The following GHR variants were observed in gnomAD, a reference collection of about 807,000 sequenced individuals.
The protein encoded by GHR is GH receptor.
GHR carries 35 observed loss-of-function variants against 67.1 expected under a neutral mutation model. The observed-to-expected ratio is 0.52, with a 90% CI of 0.40 to 0.69. GHR has a LOEUF of 0.69. Among genes scored for constraint, GHR ranks in the 30% least tolerant of loss-of-function variants. GHR has a pLI of 0.00. For synonymous variants in GHR, 272 were observed against 269.1 expected (o/e 1.01, Z -0.10); for missense variants, 792 against 764.6 (o/e 1.04, Z -0.42).
intron 1 of GHR, among the ~76,000 whole-genome samples, chr5:42,484,990 A>C (rs1199082873): frequency 6.6e-6 from 1 of 152,242 alleles, no homozygotes; most frequent in Non-Finnish European, 1.5e-5. Context: ...ACGGCCAGGC[A>C]GGAAGAATCC....
chr5:42,533,087 C>A (rs1311738659), intron 1 of GHR, among the ~76,000 whole-genome samples: 1 of 152,008 alleles, frequency 6.6e-6, no homozygotes, highest in Non-Finnish European at 1.5e-5. Flanking sequence ...CAGGTCATTG[C>A]CAACACTTGA....
At chr5:42,652,394 C>G (rs954765322) in intron 3 of GHR, among the ~76,000 whole-genome samples, 1 of 152,044 alleles carries the variant, frequency 6.6e-6, no homozygotes, top group African/African-American at 2.4e-5. Context: ...TTTTCTTACC[C>G]TATGATTTCA....
chr5:42,542,084 G>T (rs1748540899), intron 1 of GHR, among the ~76,000 whole-genome samples: 1 of 152,156 alleles, frequency 6.6e-6, no homozygotes, highest in African/African-American at 2.4e-5. Flanking sequence ...AGATAATCCA[G>T]GGAATAACTA....
chr5:42,657,367 A>G (rs1755309333), intron 3 of GHR, among the ~76,000 whole-genome samples: 1 of 152,144 alleles, frequency 6.6e-6, no homozygotes, highest in South Asian at 2.1e-4. Flanking sequence ...TCTCTGCCAA[A>G]GTAGTGTTTT....
intron 1 of GHR, among the ~76,000 whole-genome samples, chr5:42,446,239 C>T (rs1002387495): frequency 1.3e-5 from 2 of 152,186 alleles, no homozygotes; most frequent in Admixed American, 6.5e-5. Context: ...AGACTCGCTA[C>T]AGTGGGAGGA....
chr5:42,511,415 T>C (rs1747010244), intron 1 of GHR, among the ~76,000 whole-genome samples: 1 of 152,214 alleles, frequency 6.6e-6, no homozygotes, highest in Admixed American at 6.5e-5. Context: ...TTAAGATCCG[T>C]GAGGGCAAGA....
At chr5:42,443,635 TTTATTTTAAGAGATTGGCTCACACAA>T (rs1400712246) in intron 1 of GHR, among the ~76,000 whole-genome samples, 1 of 152,016 alleles carries the variant, frequency 6.6e-6, no homozygotes, top group East Asian at 1.9e-4. Flanking sequence ...TGTGTGTAGA[TTTATTTTAAGAGATTGGCTCACACAA>T]TTATGGAGAC....
At chr5:42,436,061 C>T (rs1743309432) in intron 1 of GHR, among the ~76,000 whole-genome samples, 1 of 152,138 alleles carries the variant, frequency 6.6e-6, no homozygotes, top group South Asian at 2.1e-4. Flanking sequence ...GTGCCCTGAA[C>T]ATTGGTATAA....
At chr5:42,526,262 C>T (rs2112323151) in intron 1 of GHR, among the ~76,000 whole-genome samples, 1 of 152,110 alleles carries the variant, frequency 6.6e-6, no homozygotes, top group East Asian at 1.9e-4. Flanking sequence ...TCAAACCAGC[C>T]ACAACATTTT....
intron 5 of GHR, among the ~76,000 whole-genome samples, chr5:42,698,496 A>G (rs561065431): frequency 6.6e-6 from 1 of 152,318 alleles, no homozygotes; most frequent in East Asian, 1.9e-4. Flanking sequence ...CATTTTGCAT[A>G]TCCTTCCAAT....
intron 1 of GHR, among the ~76,000 whole-genome samples, chr5:42,484,887 T>C (rs1745809009): frequency 6.6e-6 from 1 of 152,160 alleles, no homozygotes; most frequent in Non-Finnish European, 1.5e-5. Flanking sequence ...GCCAAGTGGC[T>C]CTAGAAGTAC....
chr5:42,679,667 T>C (rs915249352), intron 3 of GHR, among the ~76,000 whole-genome samples: 1 of 151,660 alleles, frequency 6.6e-6, no homozygotes, highest in African/African-American at 2.4e-5. Context: ...AGCTGTTGAG[T>C]TGGAATCATG....
intron 3 of GHR, among the ~76,000 whole-genome samples, chr5:42,634,894 T>A (rs1754101619): frequency 6.6e-6 from 1 of 151,940 alleles, no homozygotes; most frequent in South Asian, 2.1e-4. Context: ...ATTTTCAACA[T>A]CAAGAACTTA....
At chr5:42,480,323 G>GGAATAGGTGTGGTATGGT (rs1745563097) in intron 1 of GHR, among the ~76,000 whole-genome samples, 1 of 152,272 alleles carries the variant, frequency 6.6e-6, no homozygotes, top group African/African-American at 2.4e-5. Context: ...GGTCAATTTT[G>GGAATAGGTGTGGTATGGT]GAATAGGTGT....
chr5:42,465,636 T>C, intron 1 of GHR: 4 of 963,366 alleles, frequency 4.2e-6, no homozygotes, highest in Admixed American at 3.4e-5. Context: ...TCTTTGACAA[T>C]TCCCCAGTTG....
chr5:42,651,905 A>G (rs1755035538), intron 3 of GHR, among the ~76,000 whole-genome samples: 1 of 152,160 alleles, frequency 6.6e-6, no homozygotes, highest in African/African-American at 2.4e-5. Flanking sequence ...CTATAAATGA[A>G]CTATATCTTA....
At chr5:42,453,222 TG>T (rs1744124999) in intron 1 of GHR, among the ~76,000 whole-genome samples, 1 of 152,154 alleles carries the variant, frequency 6.6e-6, no homozygotes, top group African/African-American at 2.4e-5. Flanking sequence ...GTTACATACT[TG>T]GTGTGTGGGT....
At chr5:42,681,193 A>T (rs186515543) in intron 3 of GHR, among the ~76,000 whole-genome samples, 1 of 152,088 alleles carries the variant, frequency 6.6e-6, no homozygotes, top group African/African-American at 2.4e-5. Context: ...AATGGGAGAA[A>T]ATTTTTGCAA....
intron 1 of GHR, among the ~76,000 whole-genome samples, chr5:42,455,705 C>A (rs34069689): frequency 0.01 from 1,540 of 152,206 alleles, 59 homozygotes; most frequent in Admixed American, 0.06. Context: ...ACATGATGGT[C>A]ACTAGATTTA....
Sources: allele counts gnomAD v4.1 joint callset (sites outside exome capture counted in the v4.1 genomes callset), GRCh38; gene constraint gnomAD v4.1.1; transcripts MANE v1.5; gene names NCBI Gene and HGNC (gene_info 2026-07-23, HGNC 2026-07-21).